Variants in NSG1 observed in about 807,000 individuals in gnomAD.
NSG1 encodes neuronal vesicle trafficking-associated protein 1.
Under a neutral mutation model 19.3 loss-of-function variants are expected in NSG1, and 9 were observed. The ratio of observed to expected loss-of-function variants is 0.47; its 90% confidence interval spans 0.28 to 0.81. The LOEUF is 0.81. Among genes scored for constraint, NSG1 ranks in the 40% least tolerant of loss-of-function variants. NSG1 has a pLI of 0.11. For missense variants in NSG1, 236 were observed against 242.4 expected (o/e 0.97, Z 0.18); for synonymous variants, 104 against 107.0 (o/e 0.97, Z 0.17).
At chr4:4,402,738 C>T (rs1225863172) in intron 3 of NSG1, among the ~76,000 whole-genome samples, 6 of 152,174 alleles carry the variant, frequency 3.9e-5, no homozygotes, top group Non-Finnish European at 5.9e-5. Context: ...TGGGTTCCTG[C>T]AGGCACGGTG....
intron 3 of NSG1, among the ~76,000 whole-genome samples, chr4:4,395,544 C>G (rs199852136): frequency 6.6e-6 from 1 of 152,130 alleles, no homozygotes; most frequent in East Asian, 1.9e-4. Flanking sequence ...GGGCGGGTCT[C>G]TCTTTCTGAA....
intron 2 of NSG1, among the ~76,000 whole-genome samples, chr4:4,390,628 A>G (rs1400458986): frequency 6.6e-6 from 1 of 151,968 alleles, no homozygotes; most frequent in Admixed American, 6.5e-5. Flanking sequence ...TGGCTTGGGG[A>G]GCGGGGTTTG....
chr4:4,402,371 A>ATTTTTTTTTTTTTTTT (rs1161754574), intron 3 of NSG1, among the ~76,000 whole-genome samples: 1 of 53,912 alleles, frequency 1.9e-5, no homozygotes, highest in Non-Finnish European at 3.4e-5. Flanking sequence ...ACGCCTGGTT[A>ATTTTTTTTTTTTTTTT]TTTTTTTTTT....
intron 3 of NSG1, among the ~76,000 whole-genome samples, chr4:4,407,207 G>A (rs376885172): frequency 6.6e-6 from 1 of 152,232 alleles, no homozygotes; most frequent in Non-Finnish European, 1.5e-5. Context: ...ACCTACGGTC[G>A]GGGTTGGGGG....
At chr4:4,399,725 T>C (rs940807815) in intron 3 of NSG1, among the ~76,000 whole-genome samples, 4 of 152,156 alleles carry the variant, frequency 2.6e-5, no homozygotes, top group African/African-American at 7.2e-5. Flanking sequence ...CAGGGACTGG[T>C]TTTGTGGAAG....
At chr4:4,412,397 C>T (rs1724259672) in intron 4 of NSG1, among the ~76,000 whole-genome samples, 1 of 151,600 alleles carries the variant, frequency 6.6e-6, no homozygotes. Flanking sequence ...TGATTCCCAT[C>T]CACAGCCAGC....
intron 3 of NSG1, among the ~76,000 whole-genome samples, chr4:4,401,377 T>C (rs1258431476): frequency 9.9e-5 from 15 of 152,164 alleles, no homozygotes; most frequent in African/African-American, 3.6e-4. Context: ...CAGACAGGCA[T>C]CTTTGTCGCC....
rs1298782205 is a variant in NSG1 at position 4,391,510 on chromosome 4, C to G, written c.165C>G (p.Asp55Glu). 2 of 1,613,396 alleles carry G rather than the reference C, an allele frequency of 1.2e-6. No individual in the cohort carries two copies. The highest frequency in any genetic ancestry group is 1.7e-5 in the Admixed American group (1 of 59,754). The change falls in exon 3 of 5, where the codon GAC becomes GAG. Residue 55 changes from aspartate (D) to glutamate (E), a missense_variant. Asp to Glu is a conservative substitution (Grantham distance 45, BLOSUM62 2). Transcript: ENST00000621129. Reference sequence around the variant, plus strand: ...AAACTAAGACCGAGTATGAACCTGACCGCAAGAAAGGGAAAGCACGTCCTC... The same window carrying G: ...AAACTAAGACCGAGTATGAACCTGAGCGCAAGAAAGGGAAAGCACGTCCTC... ...VVKTKTEYEPDRKKGKARPPQ... is the reference protein window; with the variant it reads ...VVKTKTEYEPERKKGKARPPQ...
chr4:4,412,120 A>T (rs1724239797), intron 4 of NSG1, among the ~76,000 whole-genome samples: 1 of 152,196 alleles, frequency 6.6e-6, no homozygotes, highest in Non-Finnish European at 1.5e-5. Flanking sequence ...TGACAGTCTT[A>T]TGGGGCCACC....
chr4:4,402,684 G>A (rs930130071), intron 3 of NSG1, among the ~76,000 whole-genome samples: 6 of 152,266 alleles, frequency 3.9e-5, no homozygotes, highest in East Asian at 1.9e-4. Flanking sequence ...CATGGTGCCC[G>A]GCCTTTCTCC....
chr4:4,398,733 G>A (rs1388449624), intron 3 of NSG1, among the ~76,000 whole-genome samples: 6 of 152,160 alleles, frequency 3.9e-5, no homozygotes, highest in African/African-American at 1.2e-4. Context: ...GCTGTTGTGG[G>A]TAGCGCTGCT....
intron 3 of NSG1, among the ~76,000 whole-genome samples, chr4:4,409,341 A>G (rs1245629418): frequency 6.6e-6 from 1 of 152,244 alleles, no homozygotes. Context: ...ACTAAAAATA[A>G]CTAATTTAAA....
At chr4:4,402,964 A>G (rs1043854951) in intron 3 of NSG1, among the ~76,000 whole-genome samples, 2 of 152,232 alleles carry the variant, frequency 1.3e-5, no homozygotes, top group Admixed American at 1.3e-4. Context: ...TAAAACCAAG[A>G]CAGCCAGCAC....
chr4:4,402,368 G>GTTATTT (rs1723596761), intron 3 of NSG1, among the ~76,000 whole-genome samples: 1 of 99,604 alleles, frequency 1.0e-5, no homozygotes, highest in Non-Finnish European at 1.9e-5. Context: ...ACCACGCCTG[G>GTTATTT]TTATTTTTTT....
chr4:4,391,633 A>G (rs1723001168), intron 3 of NSG1, 42 bp downstream of exon 3: 1 of 1,375,726 alleles, frequency 7.3e-7, no homozygotes, highest in Non-Finnish European at 1.0e-6. Context: ...TTTTGCCCCC[A>G]GAAGGGGTCT....
intron 3 of NSG1, among the ~76,000 whole-genome samples, chr4:4,406,062 C>G (rs901605944): frequency 3.3e-5 from 5 of 152,170 alleles, no homozygotes; most frequent in Non-Finnish European, 5.9e-5. Context: ...GAGTCTCACT[C>G]TGTTGCCCAG....
chr4:4,407,436 C>T (rs1381822385), intron 3 of NSG1, among the ~76,000 whole-genome samples: 1 of 151,840 alleles, frequency 6.6e-6, no homozygotes, highest in African/African-American at 2.4e-5. Flanking sequence ...AGGCGGAGTG[C>T]GAGAGCAGCC....
At chr4:4,412,026 G>A (rs1724232170) in intron 4 of NSG1, among the ~76,000 whole-genome samples, 1 of 152,214 alleles carries the variant, frequency 6.6e-6, no homozygotes, top group Admixed American at 6.5e-5. Flanking sequence ...GTGTATACCA[G>A]CACCTCCGCA....
chr4:4,410,639 C>T (rs1387859096), intron 4 of NSG1, among the ~76,000 whole-genome samples: 2 of 152,172 alleles, frequency 1.3e-5, no homozygotes, highest in Non-Finnish European at 2.9e-5. Flanking sequence ...CATGGTCCAC[C>T]TGAATAGGGC....
Sources: allele counts gnomAD v4.1 joint callset (sites outside exome capture counted in the v4.1 genomes callset), GRCh38; gene constraint gnomAD v4.1.1; transcripts MANE v1.5; gene names NCBI Gene and HGNC (gene_info 2026-07-23, HGNC 2026-07-21).